Variants in HMGB1 observed in about 807,000 individuals in gnomAD.
The protein encoded by HMGB1 is high mobility group protein B1.
For missense variants in HMGB1, 79 were observed against 253.5 expected, an observed-to-expected ratio of 0.31 and a Z score of 4.67; for synonymous variants, 81 against 84.0, an observed-to-expected ratio of 0.96 and a Z score of 0.19.
rs117393265 is a variant in HMGB1, at chr13:30,560,612, T to C, written c.-15+56059A>G. ...CACTTCAGACAAAGGCCGATATCAA[T>C]AGAGAAGTTAAAACGCACGCCTCAA... is the stretch of plus-strand genomic sequence containing the variant. On this transcript the variant is annotated intron_variant, in intron 1 of 4. Transcript: ENST00000405805. 7.0e-3 allele frequency among the ~76,000 whole-genome samples: 1,063 copies of C among 152,248 alleles called. 4 individuals are homozygous for C. Among genetic ancestry groups the C allele is most frequent in the Non-Finnish European group, 0.012 (819 of 68,014 alleles).
intron 1 of HMGB1, among the ~76,000 whole-genome samples, chr13:30,477,698 C>T (rs1887130019): frequency 6.6e-6 from 1 of 152,206 alleles, no homozygotes; most frequent in East Asian, 1.9e-4. Flanking sequence ...CCTAGCAGAC[C>T]TGACAAATAT....
chr13:30,497,128 C>T (rs749386529), intron 1 of HMGB1, among the ~76,000 whole-genome samples: 25 of 151,980 alleles, frequency 1.6e-4, no homozygotes, highest in Non-Finnish European at 2.8e-4. Context: ...TCACGTTTCA[C>T]TGTAACCAGG....
At chr13:30,583,219 C>T (rs1419812406) in intron 1 of HMGB1, among the ~76,000 whole-genome samples, 1 of 151,892 alleles carries the variant, frequency 6.6e-6, no homozygotes, top group Non-Finnish European at 1.5e-5. Context: ...TTGATTAAAC[C>T]CTTCAATGAA....
At chr13:30,602,673 T>TA (rs1248764607) in intron 1 of HMGB1, among the ~76,000 whole-genome samples, 2 of 151,974 alleles carry the variant, frequency 1.3e-5, no homozygotes, top group African/African-American at 4.8e-5. Context: ...AACACTTCAA[T>TA]AATCACTGAT....
At chr13:30,461,634 T>A in intron 4 of HMGB1, 101 bp from the exon 5 acceptor site, 1 of 1,585,586 alleles carries the variant, frequency 6.3e-7, no homozygotes, top group Non-Finnish European at 8.6e-7. Flanking sequence ...AGATTCTAGT[T>A]ATACCAAAAT....
intron 1 of HMGB1, chr13:30,554,669 G>A (rs1869596945): frequency 3.9e-6 from 3 of 771,470 alleles, no homozygotes; most frequent in Non-Finnish European, 7.3e-6. Flanking sequence ...TACAGTAAAT[G>A]CAAGATACAA....
intron 1 of HMGB1, chr13:30,465,077 G>C (rs1213701194): frequency 2.3e-6 from 2 of 872,420 alleles, no homozygotes; most frequent in Non-Finnish European, 2.7e-6. Context: ...AGTTGCCTCG[G>C]AACTGCTGCG....
intron 1 of HMGB1, among the ~76,000 whole-genome samples, chr13:30,500,295 C>T (rs1385777720): frequency 6.6e-6 from 1 of 152,122 alleles, no homozygotes; most frequent in East Asian, 1.9e-4. Flanking sequence ...TTGTAAATTA[C>T]CGAGTCTCAG....
chr13:30,528,580 C>A (rs1490095730), intron 1 of HMGB1, among the ~76,000 whole-genome samples: 1 of 152,150 alleles, frequency 6.6e-6, no homozygotes, highest in African/African-American at 2.4e-5. Flanking sequence ...AAAAGAGAAA[C>A]AATGAGTTAG....
At chr13:30,553,839 A>C (rs1051962671) in intron 1 of HMGB1, 21 of 1,355,412 alleles carry the variant, frequency 1.5e-5, no homozygotes, top group Admixed American at 5.1e-5. Flanking sequence ...ATATGATCAC[A>C]GTCGTGTTAA....
chr13:30,615,175 GAC>G (rs1422673430), intron 1 of HMGB1, among the ~76,000 whole-genome samples: 1 of 152,096 alleles, frequency 6.6e-6, no homozygotes, highest in Non-Finnish European at 1.5e-5. Flanking sequence ...TGATATGACA[GAC>G]ACACAATATG....
chr13:30,504,922 G>C (rs540246640), intron 1 of HMGB1, among the ~76,000 whole-genome samples: 2 of 152,154 alleles, frequency 1.3e-5, no homozygotes, highest in South Asian at 4.1e-4. Context: ...CAAAAATGAA[G>C]TATTAGTGTC....
Position 30,573,680 on chromosome 13 carries a change from T to C in HMGB1, c.-15+42991A>G, listed in dbSNP as rs556256681. 4.0e-5 allele frequency among the ~76,000 whole-genome samples: 6 copies of C among 150,720 alleles called. No individual in the cohort carries two copies. The South Asian group carries it at 1.3e-3, about 32-fold the overall frequency. On this transcript the variant is annotated intron_variant, in intron 1 of 4. Transcript: ENST00000405805. ...TTTTTTTTTTTTTGGAGAAAGGGTC[T>C]CACTGTGCCACCCAGGTGGGAGTGC...
At chr13:30,573,127 G>T (rs1029890517) in intron 1 of HMGB1, among the ~76,000 whole-genome samples, 1 of 152,052 alleles carries the variant, frequency 6.6e-6, no homozygotes, top group Non-Finnish European at 1.5e-5. Context: ...CTTCTGGGGG[G>T]TCTGAATTGC....
chr13:30,464,503 GCGCGGC>G, intron 1 of HMGB1: 1 of 984,772 alleles, frequency 1.0e-6, no homozygotes, highest in Non-Finnish European at 1.2e-6. Flanking sequence ...GCCGGTGGCC[GCGCGGC>G]CGAGGAGAGA....
chr13:30,555,214 T>G (rs1442300132), intron 1 of HMGB1, among the ~76,000 whole-genome samples: 2 of 151,920 alleles, frequency 1.3e-5, no homozygotes, highest in African/African-American at 2.4e-5. Context: ...GCTAATTTTT[T>G]GTATTTTTAG....
Position 30,515,300 on chromosome 13 carries a change from A to G in HMGB1, c.-14-51606T>C, listed in dbSNP as rs145953750. On this transcript the variant is annotated intron_variant, in intron 1 of 4. Transcript: ENST00000405805. ...GAGCTTGGAAGTGGATGTGAGCTCA[A>G]TTTGGCCAACACCTTCATTTGGGCT... Among the ~76,000 whole-genome samples, 412 of 152,310 alleles carry G rather than the reference A, an allele frequency of 2.7e-3. 4 individuals carry two copies. Among genetic ancestry groups the G allele is most frequent in the African/African-American group, 9.5e-3 (394 of 41,578 alleles).
chr13:30,464,665 G>A (rs1222288899), intron 1 of HMGB1: 51 of 982,054 alleles, frequency 5.2e-5, no homozygotes, highest in Non-Finnish European at 5.9e-5. Flanking sequence ...CGCGGCCGCC[G>A]GGGCCGGCGC....
At chr13:30,538,474 CTTTCTTTCTTTCTTTCTTTCTTT>C (rs1427667303) in intron 1 of HMGB1, among the ~76,000 whole-genome samples, 1 of 36,066 alleles carries the variant, frequency 2.8e-5, no homozygotes, top group Admixed American at 2.7e-4. Context: ...TTCTTTCTTT[CTTTCTTTCTTTCTTTCTTTCTTT>C]CTTTCTTTCT....
Sources: gnomAD v4.1 joint callset for allele counts (sites outside exome capture counted in the v4.1 genomes callset) on GRCh38, gnomAD v4.1.1 for gene constraint, MANE v1.5 for transcripts, NCBI Gene and HGNC (gene_info 2026-07-23, HGNC 2026-07-21) for gene names.